The following ZHX1 variants were observed in gnomAD, a reference collection of about 807,000 sequenced individuals.
ZHX1 encodes the protein zinc fingers and homeoboxes 1.
Under a neutral mutation model 61.8 loss-of-function variants are expected in ZHX1, and 20 were observed. That is an observed-to-expected ratio of 0.32 (90% CI 0.23 to 0.47). The LOEUF (loss-of-function observed/expected upper bound fraction) is 0.47, where lower values mean the gene tolerates loss of function less well. Among genes scored for constraint, ZHX1 ranks in the 20% least tolerant of loss-of-function variants. ZHX1 has a pLI of 1.00. For missense variants in ZHX1, 800 were observed against 1,034.8 expected, an observed-to-expected ratio of 0.77 and a Z score of 3.11; for synonymous variants, 318 against 352.6, an observed-to-expected ratio of 0.90 and a Z score of 1.10.
rs1446145770 is a variant in ZHX1 at position 123,248,725 on chromosome 8, C to T, written c.*1599G>A. 1 of 152,338 alleles carries T rather than the reference C, an allele frequency of 6.6e-6. No homozygotes were observed. The highest frequency in any genetic ancestry group is 1.5e-5 in the Non-Finnish European group (1 of 67,970). 9.4% of individuals were successfully genotyped at this position (152,338 alleles called of 1,614,324 possible). On this transcript the variant is annotated 3_prime_UTR_variant, in exon 4 of 4. Transcript: ENST00000395571. The stretch of plus-strand genomic sequence containing the variant: ...ACATTAAAATTATTGTCAAACAAAA[C>T]TCAGACCACATTAGCAATGTTTATA...
intron 2 of ZHX1, among the ~76,000 whole-genome samples, chr8:123,257,698 G>C (rs1448018751): frequency 2.0e-5 from 3 of 152,186 alleles, no homozygotes; most frequent in African/African-American, 7.2e-5. Context: ...AGTCACAATA[G>C]GGTTGTGCTC....
At position 123,250,223 on chromosome 8, in the gene ZHX1, C is replaced by T. The variant is rs768624991; in HGVS notation, c.*101G>A. Reference sequence around the variant, plus strand: ...GGATCCTGCTTTTTGAGTGTGTATGCCCCAAAACGTTTTCAATGTCATCAA... The same window carrying T: ...GGATCCTGCTTTTTGAGTGTGTATGTCCCAAAACGTTTTCAATGTCATCAA... On this transcript the variant is annotated 3_prime_UTR_variant, in exon 4 of 4. Transcript: ENST00000395571. 10 of 453,596 alleles carry T rather than the reference C, an allele frequency of 2.2e-5. No homozygotes were observed. Among genetic ancestry groups the T allele is most frequent in the African/African-American group, 2.0e-4 (10 of 49,926 alleles). 28.1% of individuals were successfully genotyped at this position (453,596 alleles called of 1,614,324 possible). A position where few individuals can be genotyped will look rare whatever the true frequency, so the allele number is the denominator to read the frequency against.
intron 1 of ZHX1, 151 bp downstream of exon 1, chr8:123,274,066 C>G (rs1182700780): frequency 3.3e-5 from 5 of 152,764 alleles, no homozygotes; most frequent in African/African-American, 1.2e-4. Context: ...CGGGCTCAGC[C>G]CCAGGGGTCT....
chr8:123,274,067 C>G (rs905737960), intron 1 of ZHX1, 150 bp downstream of exon 1: 3 of 152,772 alleles, frequency 2.0e-5, no homozygotes, highest in African/African-American at 7.2e-5. Flanking sequence ...GGGCTCAGCC[C>G]CAGGGGTCTC....
At chr8:123,275,404 T>A (rs1826809235), upstream of ZHX1, 1 of 152,602 alleles carries the variant, frequency 6.6e-6, no homozygotes, top group Non-Finnish European at 1.5e-5. Flanking sequence ...TGACGTTCAC[T>A]CCCCACCCCC....
chr8:123,265,990 T>C (rs1826442642), intron 2 of ZHX1, among the ~76,000 whole-genome samples: 1 of 152,182 alleles, frequency 6.6e-6, no homozygotes, highest in Non-Finnish European at 1.5e-5. Context: ...GACAGATTTT[T>C]TTCTGGCAAG....
Position 123,249,509 on chromosome 8 carries a change from T to C in ZHX1, c.*815A>G, listed in dbSNP as rs1428944475. ...ACTAAGTATACATTTACTACGTGAT[T>C]CTTTTTCACATTTTTGGTGCAGTAT... On this transcript the variant is annotated 3_prime_UTR_variant, in exon 4 of 4. Transcript: ENST00000395571. The C allele has an allele frequency of 6.6e-6, 1 of 152,194 alleles. No homozygotes were observed. Among genetic ancestry groups the C allele is most frequent in the African/African-American group, 2.4e-5 (1 of 41,464 alleles). 9.4% of individuals were successfully genotyped at this position (152,194 alleles called of 1,614,324 possible). A position where few individuals can be genotyped will look rare whatever the true frequency, so the allele number is the denominator to read the frequency against.
chr8:123,251,064 G>T (rs1018763778), intron 3 of ZHX1, among the ~76,000 whole-genome samples: 1 of 152,176 alleles, frequency 6.6e-6, no homozygotes, highest in Admixed American at 6.5e-5. Flanking sequence ...GAGGGAGCCT[G>T]GTGGGAGGTG....
rs370279098 is a variant in ZHX1 at position 123,249,295 on chromosome 8, C to T, written c.*1029G>A. On this transcript the variant is annotated 3_prime_UTR_variant, in exon 4 of 4. Coordinates refer to ENST00000395571, the MANE Select transcript of ZHX1 (RefSeq NM_007222.5). The stretch of plus-strand genomic sequence containing the variant: ...AGTATGAACTTTCAGTCTCCTGATA[C>T]GGCAAGAGTTAACAGTTAACACTCC... 10 of 152,086 alleles carry T rather than the reference C, an allele frequency of 6.6e-5. No individual in the cohort carries two copies. Among genetic ancestry groups the T allele is most frequent in the African/African-American group, 1.7e-4 (7 of 41,426 alleles). 9.4% of individuals were successfully genotyped at this position (152,086 alleles called of 1,614,324 possible). A position where few individuals can be genotyped will look rare whatever the true frequency, so the allele number is the denominator to read the frequency against.
At position 123,254,102 on chromosome 8, in the gene ZHX1, C is replaced by A; in HGVS notation, c.1845G>T (p.Trp615Cys). 5.6e-6 allele frequency: 9 copies of A among 1,614,134 alleles called. No individual in the cohort carries two copies. Among genetic ancestry groups the A allele is most frequent in the Non-Finnish European group, 7.6e-6 (9 of 1,180,022 alleles). ...CTTTTGATTTCTTCTTCTCTGTAAA[C>A]CAAGCATCGATTTCTCTTCTGGTAA... ...TKLTRREIDAWFTEKKKSKAL... is the reference protein window; with the variant it reads ...TKLTRREIDACFTEKKKSKAL... Residue 615 changes from tryptophan (W) to cysteine (C), a missense_variant, in exon 3 of 4, where the codon TGG becomes TGT. By Grantham distance (215) the Trp-to-Cys change is radical. Coordinates refer to ENST00000395571, the MANE Select transcript of ZHX1 (RefSeq NM_007222.5). The surrounding 1 kb of genome is among the most constrained non-coding windows in gnomAD (Gnocchi z 4.1).
chr8:123,267,944 T>C (rs1826511061), intron 1 of ZHX1, among the ~76,000 whole-genome samples: 1 of 152,186 alleles, frequency 6.6e-6, no homozygotes, highest in Admixed American at 6.5e-5. Flanking sequence ...GAGGTTGCAG[T>C]GAGCCGAGAT....
At chr8:123,261,681 T>G (rs1826274490) in intron 2 of ZHX1, among the ~76,000 whole-genome samples, 1 of 152,094 alleles carries the variant, frequency 6.6e-6, no homozygotes, top group African/African-American at 2.4e-5. Flanking sequence ...AATAGTAGTA[T>G]CCACATCAGA....
chr8:123,248,680 T>C lies in ZHX1; in HGVS notation c.*1644A>G, dbSNP rs1825836881. On this transcript the variant is annotated 3_prime_UTR_variant, in exon 4 of 4. Coordinates refer to ENST00000395571, the MANE Select transcript of ZHX1 (RefSeq NM_007222.5). ...ATTCAAAGGCTTCATTTCTAATACT[T>C]GACATTTCAAATTTTGAGAACATTA... 6.6e-6 allele frequency: 1 copy of C among 152,600 alleles called. No homozygotes were observed. The highest frequency in any genetic ancestry group is 2.4e-5 in the African/African-American group (1 of 41,452). 9.5% of individuals were successfully genotyped at this position (152,600 alleles called of 1,614,324 possible). A position where few individuals can be genotyped will look rare whatever the true frequency, so the allele number is the denominator to read the frequency against.
At chr8:123,267,427 G>A (rs1046294963) in intron 1 of ZHX1, 41 bp from the exon 2 acceptor site, 28 of 562,704 alleles carry the variant, frequency 5.0e-5, no homozygotes, top group Non-Finnish European at 6.0e-5. Flanking sequence ...ATATAATTTA[G>A]CCTTAGTCAG....
chr8:123,258,223 G>A (rs2131198651), intron 2 of ZHX1, among the ~76,000 whole-genome samples: 1 of 152,216 alleles, frequency 6.6e-6, no homozygotes, highest in South Asian at 2.1e-4. Flanking sequence ...GTTAGGAAGA[G>A]CCTGGCACCT....
chr8:123,257,615 A>C (rs1160935612), intron 2 of ZHX1, among the ~76,000 whole-genome samples: 1 of 152,134 alleles, frequency 6.6e-6, no homozygotes, highest in Non-Finnish European at 1.5e-5. Flanking sequence ...TGGTTTTGGG[A>C]TGAAACTCTT....
chr8:123,262,906 T>A (rs1826322010), intron 2 of ZHX1: 2 of 149,878 alleles, frequency 1.3e-5, no homozygotes, highest in Non-Finnish European at 3.0e-5. Context: ...GCATGGCCCT[T>A]GGGCAAGGAT....
In ZHX1 at chr8:123,253,958, C is replaced by T. The variant is rs762872848; in HGVS notation, c.1989G>A (p.Lys663=). Residue 663 remains lysine, a synonymous_variant, in exon 3 of 4, where the codon AAG becomes AAA. Transcript: ENST00000395571. ...SGAPKSGSTG[K]ICKKTPEQLH... ...GCTGCTCAGGTGTTTTTTTACATAT[C>T]TTGCCTGTACTCCCTGACTTAGGTG... is the stretch of plus-strand genomic sequence containing the variant. 42 of 1,614,056 alleles carry T rather than the reference C, an allele frequency of 2.6e-5. No individual in the cohort carries two copies. Among genetic ancestry groups the T allele is most frequent in the South Asian group, 2.5e-4 (23 of 91,086 alleles).
intron 1 of ZHX1, among the ~76,000 whole-genome samples, chr8:123,268,146 G>A (rs1349199626): frequency 6.6e-6 from 1 of 152,150 alleles, no homozygotes; most frequent in Non-Finnish European, 1.5e-5. Flanking sequence ...TAATCAGAAT[G>A]GAGAGGATTA....
Sources: gnomAD v4.1 joint callset for allele counts (sites outside exome capture counted in the v4.1 genomes callset) on GRCh38, gnomAD v4.1.1 for gene constraint, Gnocchi (gnomAD v3.1) non-coding constraint, MANE v1.5 for transcripts, NCBI Gene and HGNC (gene_info 2026-07-23, HGNC 2026-07-21) for gene names.